Variants in PPM1L observed in about 807,000 individuals in gnomAD.
PPM1L encodes the protein protein phosphatase 1L.
PPM1L carries 13 observed loss-of-function variants against 31.4 expected under a neutral mutation model. The observed-to-expected ratio is 0.41, with a 90% CI of 0.27 to 0.66. The LOEUF is 0.66. PPM1L is among the 30% of genes least tolerant of loss of function. The pLI, the probability that PPM1L is intolerant of heterozygous loss-of-function variation, is 0.29. For synonymous variants in PPM1L, 184 were observed against 175.4 expected (o/e 1.05, Z -0.39); for missense variants, 326 against 453.7 (o/e 0.72, Z 2.56).
intron 1 of PPM1L, among the ~76,000 whole-genome samples, chr3:160,858,253 T>C (rs1471463065): frequency 1.3e-5 from 2 of 152,176 alleles, no homozygotes; most frequent in East Asian, 3.9e-4. Context: ...TTTTCTTTTC[T>C]TTTTTTTCTT....
chr3:160,928,523 C>T (rs74612610), intron 1 of PPM1L, among the ~76,000 whole-genome samples: 7,038 of 152,240 alleles, frequency 0.046, 526 homozygotes, highest in African/African-American at 0.15. Context: ...TGCTACCTTC[C>T]GACTCCCTCT....
intron 1 of PPM1L, among the ~76,000 whole-genome samples, chr3:160,850,452 C>G (rs12107264): frequency 0.019 from 2,912 of 152,186 alleles, 97 homozygotes; most frequent in African/African-American, 0.067. Flanking sequence ...ATTAAATAGT[C>G]ATTGTTGATT....
At chr3:160,794,687 T>C (rs915219173) in intron 1 of PPM1L, among the ~76,000 whole-genome samples, 6 of 152,092 alleles carry the variant, frequency 3.9e-5, no homozygotes, top group Admixed American at 2.6e-4. Context: ...TATAACAGGG[T>C]GTCCAATCTT....
At chr3:161,040,565 T>C (rs1718879214) in intron 2 of PPM1L, among the ~76,000 whole-genome samples, 1 of 152,216 alleles carries the variant, frequency 6.6e-6, no homozygotes, top group South Asian at 2.1e-4. Context: ...AGTGCTCTAA[T>C]TGGGCACTAT....
At position 161,044,973 on chromosome 3, in the gene PPM1L, T is replaced by C. The variant is rs189710314; in HGVS notation, c.575-20430T>C. 4.0e-3 allele frequency among the ~76,000 whole-genome samples: 613 copies of C among 152,324 alleles called. 4 individuals carry two copies. Among genetic ancestry groups the C allele is most frequent in the Non-Finnish European group, 3.2e-3 (218 of 68,038 alleles). Reference sequence around the variant, plus strand: ...CAAAAAAAGGCAGGAGTTGCAATCCTAGTCTCTGATAAAACAGATTTTAAA... The same window carrying C: ...CAAAAAAAGGCAGGAGTTGCAATCCCAGTCTCTGATAAAACAGATTTTAAA... On this transcript the variant is annotated intron_variant, in intron 2 of 3. Transcript: ENST00000498165.
At chr3:160,945,011 CAT>C (rs61001344) in intron 1 of PPM1L, among the ~76,000 whole-genome samples, 4,470 of 17,972 alleles carry the variant, frequency 0.25, 1,043 homozygotes, top group African/African-American at 0.33. Context: ...CTATATATAA[CAT>C]ATATATTATA....
chr3:160,766,681 A>G (rs1270636767), intron 1 of PPM1L, among the ~76,000 whole-genome samples: 1 of 150,972 alleles, frequency 6.6e-6, no homozygotes, highest in Non-Finnish European at 1.5e-5. Context: ...CTAATACAAT[A>G]TAATATTGTA....
At chr3:160,774,817 A>G (rs1218924345) in intron 1 of PPM1L, among the ~76,000 whole-genome samples, 1 of 152,174 alleles carries the variant, frequency 6.6e-6, no homozygotes, top group Non-Finnish European at 1.5e-5. Flanking sequence ...ATGGTCTGTT[A>G]TAGGCAATCA....
At chr3:160,778,728 G>A (rs1050189592) in intron 1 of PPM1L, among the ~76,000 whole-genome samples, 8 of 152,104 alleles carry the variant, frequency 5.3e-5, no homozygotes, top group South Asian at 2.1e-4. Context: ...GGAGCATGGG[G>A]GAAAGTTGTC....
At chr3:160,959,163 T>C (rs1715874354) in intron 1 of PPM1L, among the ~76,000 whole-genome samples, 1 of 152,230 alleles carries the variant, frequency 6.6e-6, no homozygotes, top group Admixed American at 6.5e-5. Flanking sequence ...TAGATGGCGT[T>C]GGAGACCGTT....
At chr3:160,775,009 C>T (rs763558210) in intron 1 of PPM1L, among the ~76,000 whole-genome samples, 1 of 152,148 alleles carries the variant, frequency 6.6e-6, no homozygotes, top group Non-Finnish European at 1.5e-5. Flanking sequence ...TTTGCTATCA[C>T]TTATGTCTGT....
chr3:160,838,600 A>G (rs1038570232), intron 1 of PPM1L, among the ~76,000 whole-genome samples: 3 of 152,214 alleles, frequency 2.0e-5, no homozygotes, highest in Non-Finnish European at 2.9e-5. Flanking sequence ...TATGTAGACT[A>G]TGTCTGAGTT....
Position 160,997,023 on chromosome 3 carries a change from G to A in PPM1L, c.574+35113G>A, listed in dbSNP as rs148517907. On this transcript the variant is annotated intron_variant, in intron 2 of 3. Transcript: ENST00000498165. The stretch of plus-strand genomic sequence containing the variant: ...GGTGAGTGAGGAACAGTGAAACAGT[G>A]GTGGGGCTAATGGATCAGATATCCT... Among the ~76,000 whole-genome samples the A allele has an allele frequency of 3.0e-3, 452 of 152,246 alleles. 3 individuals are homozygous for A. The highest frequency in any genetic ancestry group is 0.01 in the African/African-American group (421 of 41,564).
intron 1 of PPM1L, among the ~76,000 whole-genome samples, chr3:160,942,640 C>T (rs1307314497): frequency 2.0e-5 from 3 of 152,020 alleles, no homozygotes; most frequent in Non-Finnish European, 2.9e-5. Flanking sequence ...TGCTAAAGAA[C>T]CAGAAATGAA....
intron 1 of PPM1L, among the ~76,000 whole-genome samples, chr3:160,805,639 T>C (rs1712576287): frequency 6.6e-6 from 1 of 152,132 alleles, no homozygotes; most frequent in South Asian, 2.1e-4. Context: ...GCAGATTCGC[T>C]TGAACCCAGG....
rs555295755 is a variant in PPM1L at position 161,009,146 on chromosome 3, T to C, written c.574+47236T>C. On this transcript the variant is annotated intron_variant, in intron 2 of 3. Coordinates refer to ENST00000498165, the MANE Select transcript of PPM1L (RefSeq NM_139245.4). ...TGACTCTGATTATCAAATAACTTTTTGTTTGGTCAATGCTAATATATATTT... is the reference window on the plus strand; with the variant it reads ...TGACTCTGATTATCAAATAACTTTTCGTTTGGTCAATGCTAATATATATTT... 9.7e-4 allele frequency among the ~76,000 whole-genome samples: 147 copies of C among 152,302 alleles called. 1 individual carries two copies. The highest frequency in any genetic ancestry group is 3.4e-3 in the Middle Eastern group (1 of 294).
Position 161,003,156 on chromosome 3 carries a change from T to C in PPM1L, c.574+41246T>C, listed in dbSNP as rs1423948464. 6.6e-5 allele frequency among the ~76,000 whole-genome samples: 10 copies of C among 151,980 alleles called. No individual in the cohort carries two copies. The South Asian group carries it at 1.5e-3, about 22-fold the overall frequency. ...CAAAGATCAGATAGTTGTAGATAGG[T>C]GGCGTTATTTCTGAGGGCTCTGTTC... On this transcript the variant is annotated intron_variant, in intron 2 of 3. Transcript: ENST00000498165.
chr3:160,900,610 A>G lies in PPM1L; in HGVS notation c.400-61126A>G, dbSNP rs192435948. On this transcript the variant is annotated intron_variant, in intron 1 of 3. Transcript: ENST00000498165. The stretch of plus-strand genomic sequence containing the variant: ...ATTTTATTTCCACATCATTATCTAT[A>G]TAGGTGTACTTTACCTATACGTTTT... Among the ~76,000 whole-genome samples the G allele has an allele frequency of 4.6e-5, 7 of 152,080 alleles. No individual in the cohort carries two copies. The East Asian group carries it at 5.8e-4, about 13-fold the overall frequency.
chr3:161,044,370 T>TTATTTATG (rs1043855935), intron 2 of PPM1L, among the ~76,000 whole-genome samples: 2 of 151,030 alleles, frequency 1.3e-5, no homozygotes, highest in African/African-American at 4.9e-5. Context: ...ATTTATTTAT[T>TTATTTATG]TATTTATTTA....
Sources: gnomAD v4.1 joint callset for allele counts (sites outside exome capture counted in the v4.1 genomes callset) on GRCh38, gnomAD v4.1.1 for gene constraint, MANE v1.5 for transcripts, NCBI Gene and HGNC (gene_info 2026-07-23, HGNC 2026-07-21) for gene names.